PRSS56: variants seen among roughly 807,000 people sequenced by gnomAD.
PRSS56 encodes the protein serine protease 56.
In PRSS56, 55 loss-of-function variants were observed where a neutral mutation model predicts 66.8. The observed-to-expected ratio is 0.82, with a 90% CI of 0.66 to 1.03. The LOEUF (loss-of-function observed/expected upper bound fraction) is 1.03, where lower values mean the gene tolerates loss of function less well. Ranked by LOEUF, PRSS56 falls within the 50% of genes least tolerant of loss-of-function variation. The pLI is 0.00. For synonymous variants in PRSS56, 409 were observed against 387.9 expected (o/e 1.05, Z -0.64); for missense variants, 869 against 837.2 (o/e 1.04, Z -0.47).
chr2:232,522,995 G>T, intron 6 of PRSS56, 65 bp from the exon 7 acceptor site: 1 of 1,499,692 alleles, frequency 6.7e-7, no homozygotes, highest in Non-Finnish European at 8.9e-7. Flanking sequence ...GGGGGTGGTG[G>T]GAAGGGGACC....
Position 232,523,790 on chromosome 2 carries a change from C to G in PRSS56, c.1031C>G (p.Pro344Arg). The change falls in exon 9 of 13, where the codon CCC becomes CGC. Residue 344 changes from proline (P) to arginine (R), a missense_variant. Transcript: ENST00000617714. ...EQMSASSSRE[P>R]SCRELLAWDP... ...GCAGCAGCCTCCTCCAGCCGCGAGC[C>G]CAGCTGCAGGGAGCTTCTGGCCTGG... The G allele has an allele frequency of 6.5e-7, 1 of 1,534,010 alleles. No homozygotes were observed. Among genetic ancestry groups the G allele is most frequent in the Non-Finnish European group, 8.7e-7 (1 of 1,146,674 alleles).
chr2:232,520,583 C>T lies in PRSS56; in HGVS notation c.-16C>T, dbSNP rs1691255707. ...GGAGAGAGGACAGGGGTCTCTCACC[C>T]CAGCTCCTGGTCACCATGCTGCTGG... On this transcript the variant is annotated 5_prime_UTR_variant, in exon 1 of 13. Transcript: ENST00000617714. The T allele has an allele frequency of 6.5e-7, 1 of 1,534,678 alleles. No individual in the cohort carries two copies. The highest frequency in any genetic ancestry group is 2.0e-5 in the Admixed American group (1 of 50,978).
intron 6 of PRSS56, 24 bp downstream of exon 6, chr2:232,522,885 G>A (rs1315124166): frequency 2.8e-6 from 4 of 1,448,178 alleles, no homozygotes; most frequent in Non-Finnish European, 1.8e-6. Context: ...GTGAGCCGGC[G>A]CGTGGTGGGA....
chr2:232,522,361 G>A (rs1364265108), intron 4 of PRSS56, 154 bp from the exon 5 acceptor site: 2 of 817,062 alleles, frequency 2.4e-6, no homozygotes, highest in Non-Finnish European at 3.5e-6. Flanking sequence ...GGCCGGGCGA[G>A]TTCGCCCCCT....
rs1468520206 is a variant in PRSS56, at chr2:232,523,129, C to T, written c.776C>T (p.Ala259Val). 1 of 1,533,894 alleles carries T rather than the reference C, an allele frequency of 6.5e-7. No homozygotes were observed. The highest frequency in any genetic ancestry group is 1.7e-4 in the Middle Eastern group (1 of 5,984). ...PLLSTDTCRR[A>V]LGPGLRPSTM... ...CTCAGCACCGACACCTGCCGAAGAGCCCTGGGGCCCGGGCTGCGCCCCAGC... is the reference window on the plus strand; with the variant it reads ...CTCAGCACCGACACCTGCCGAAGAGTCCTGGGGCCCGGGCTGCGCCCCAGC... Residue 259 changes from alanine to valine, a missense_variant, in exon 7 of 13, where the codon GCC becomes GTC. By Grantham distance (64) the Ala-to-Val change is moderately conservative. Coordinates refer to ENST00000617714, the MANE Select transcript of PRSS56 (RefSeq NM_001195129.2).
At position 232,523,775 on chromosome 2, in the gene PRSS56, C is replaced by T. The variant is rs1691336626; in HGVS notation, c.1016C>T (p.Ser339Phe). ...ACCCCTGTCCCGCCCGCAGCAGCCTCCTCCAGCCGCGAGCCCAGCTGCAGG... is the reference window on the plus strand; with the variant it reads ...ACCCCTGTCCCGCCCGCAGCAGCCTTCTCCAGCCGCGAGCCCAGCTGCAGG... ...KDWLQEQMSASSSREPSCREL... is the reference protein window; with the variant it reads ...KDWLQEQMSAFSSREPSCREL... Residue 339 changes from serine to phenylalanine, a missense_variant, in exon 9 of 13, where the codon TCC becomes TTC. By Grantham distance (155) the Ser-to-Phe change is radical. Around this residue, in one of 3 missense-constraint regions of PRSS56, gnomAD observed 551 missense variants for 506.9 expected, o/e 1.09. Coordinates refer to ENST00000617714, the MANE Select transcript of PRSS56 (RefSeq NM_001195129.2). 6.5e-7 allele frequency: 1 copy of T among 1,534,050 alleles called. No homozygotes were observed. The highest frequency in any genetic ancestry group is 8.7e-7 in the Non-Finnish European group (1 of 1,146,726).
chr2:232,523,883 GGTCCCAGGGC>G lies in PRSS56; in HGVS notation c.1126_1135del (p.Ser376ProfsTer125). 6.5e-7 allele frequency: 1 copy of G among 1,527,054 alleles called. No homozygotes were observed. Among genetic ancestry groups the G allele is most frequent in the South Asian group, 1.2e-5 (1 of 83,580 alleles). 94.6% of individuals were successfully genotyped at this position (1,527,054 alleles called of 1,614,324 possible). The stretch of plus-strand genomic sequence containing the variant: ...GCCTTCTATGCCCGCCTGTGCCCGG[GGTCCCAGGGC>G]GCCTGTGCGCGCCTGGCGCACCAGC... On this transcript the variant is annotated frameshift_variant, in exon 9 of 13. Coordinates refer to ENST00000617714, the MANE Select transcript of PRSS56 (RefSeq NM_001195129.2). LOFTEE classifies it high-confidence loss of function.
intron 6 of PRSS56, 75 bp from the exon 7 acceptor site, chr2:232,522,985 G>C (rs891894229): frequency 6.7e-6 from 10 of 1,490,424 alleles, no homozygotes; most frequent in Non-Finnish European, 8.9e-6. Flanking sequence ...AGGAATCAAG[G>C]GGGGTGGTGG....
chr2:232,521,416 C>G lies in PRSS56; in HGVS notation c.193C>G (p.His65Asp), dbSNP rs757463594. The change falls in exon 2 of 13, where the codon CAC (histidine) becomes GAC (aspartate). Residue 65 changes from histidine (H) to aspartate (D), a missense_variant. Transcript: ENST00000617714. The stretch of plus-strand genomic sequence containing the variant: ...GGCGATGGAGATCCAGCACAGATCG[C>G]ACGAGTGCCGAGGTGCCCACCCTGC... ...RVAMEIQHRS[H>D]ECRGSGRPRP... The G allele has an allele frequency of 6.5e-7, 1 of 1,536,070 alleles. No individual in the cohort carries two copies. The highest frequency in any genetic ancestry group is 1.2e-5 in the South Asian group (1 of 84,068).
At chr2:232,522,234 G>A (rs1474107876) in intron 4 of PRSS56, 74 bp downstream of exon 4, 39 of 1,301,710 alleles carry the variant, frequency 3.0e-5, no homozygotes, top group Non-Finnish European at 3.6e-5. Flanking sequence ...GTTGTCCGGC[G>A]GGCGACGCGC....
intron 6 of PRSS56, 32 bp downstream of exon 6, chr2:232,522,893 G>C: frequency 1.4e-6 from 2 of 1,447,866 alleles, no homozygotes; most frequent in Non-Finnish European, 1.8e-6. Context: ...GCGCGTGGTG[G>C]GAAGAACTGG....
intron 7 of PRSS56, 50 bp downstream of exon 7, chr2:232,523,252 A>T: frequency 1.4e-6 from 2 of 1,423,992 alleles, no homozygotes; most frequent in East Asian, 5.2e-5. Flanking sequence ...TCCCAGGGCC[A>T]CTACGGCCTC....
Position 232,523,060 on chromosome 2 carries a change from A to T in PRSS56, c.707A>T (p.Asp236Val). The T allele has an allele frequency of 7.8e-6, 12 of 1,534,272 alleles. No homozygotes were observed. The highest frequency in any genetic ancestry group is 8.7e-6 in the Non-Finnish European group (10 of 1,145,976). ...AIAGWGALFE[D>V]GPEAEAVREA... is the part of the protein sequence containing the mutation. Reference sequence around the variant, plus strand: ...TGAGCCTTCCACCCCTTCCCTGCAGACGGGCCTGAGGCTGAAGCAGTGAGA... The same window carrying T: ...TGAGCCTTCCACCCCTTCCCTGCAGTCGGGCCTGAGGCTGAAGCAGTGAGA... The change falls in exon 7 of 13, where the codon GAC becomes GTC. Residue 236 changes from aspartate (D) to valine (V), a missense_variant and splice_region_variant. Coordinates refer to ENST00000617714, the MANE Select transcript of PRSS56 (RefSeq NM_001195129.2).
chr2:232,524,175 C>T lies in PRSS56; in HGVS notation c.1323C>T (p.His441=), dbSNP rs750156333. The T allele has an allele frequency of 5.9e-6, 9 of 1,528,618 alleles. No individual in the cohort carries two copies. In the South Asian group the frequency reaches 9.6e-5, roughly 16 times the overall value. 94.7% of individuals were successfully genotyped at this position (1,528,618 alleles called of 1,614,324 possible). Residue 441 remains histidine (H), a synonymous_variant, in exon 10 of 13, where the codon CAC becomes CAT. Transcript: ENST00000617714. ...PAPALRESPL[H]PARELRLHSG... ...CAGCGCTCAGGGAGTCTCCTCTGCA[C>T]CCCGCCCGGGAGCTGCGGCTTCACT...
chr2:232,523,917 G>C lies in PRSS56; in HGVS notation c.1158G>C (p.Gln386His). 6.6e-7 allele frequency: 1 copy of C among 1,511,132 alleles called. No individual in the cohort carries two copies. Among genetic ancestry groups the C allele is most frequent in the Non-Finnish European group, 8.8e-7 (1 of 1,135,094 alleles). The allele number at this position is 1,511,132 out of a possible 1,614,324, so 93.6% of individuals were successfully genotyped here. A position where few individuals can be genotyped will look rare whatever the true frequency, so the allele number is the denominator to read the frequency against. ...GCGCCTGTGCGCGCCTGGCGCACCAGCAGTGCCTGCAGCGCCGGCGGCGAT... is the reference window on the plus strand; with the variant it reads ...GCGCCTGTGCGCGCCTGGCGCACCACCAGTGCCTGCAGCGCCGGCGGCGAT... ...SQGACARLAH[Q>H]QCLQRRRRCE... Residue 386 changes from glutamine to histidine, a missense_variant, in exon 9 of 13, where the codon CAG becomes CAC. Transcript: ENST00000617714.
chr2:232,524,484 A>C, intron 11 of PRSS56, 115 bp downstream of exon 11: 1 of 1,019,336 alleles, frequency 9.8e-7, no homozygotes, highest in South Asian at 1.6e-5. Flanking sequence ...AACAGGGTGG[A>C]CTCGTTCTCC....
At chr2:232,521,498 C>T in intron 2 of PRSS56, 70 bp downstream of exon 2, 1 of 1,259,960 alleles carries the variant, frequency 7.9e-7, no homozygotes, top group Non-Finnish European at 1.1e-6. Context: ...TGCCTCTGTC[C>T]CTTCCCTTCA....
At position 232,523,652 on chromosome 2, in the gene PRSS56, G is replaced by A. The variant is rs1029381841; in HGVS notation, c.1012+74G>A. On this transcript the variant is annotated intron_variant, in intron 8 of 12. Coordinates refer to ENST00000617714, the MANE Select transcript of PRSS56 (RefSeq NM_001195129.2). ...CCGTGGGACAAGCCCGTTTCCACCC[G>A]GCCCATGCCCATTCCCAGCTCCCTT... 10 of 1,504,734 alleles carry A rather than the reference G, an allele frequency of 6.6e-6. No homozygotes were observed. The African/African-American group carries it at 9.7e-5, about 15-fold the overall frequency. The allele number at this position is 1,504,734 out of a possible 1,614,324, so 93.2% of individuals were successfully genotyped here.
At chr2:232,524,897 C>A in intron 12 of PRSS56, 53 bp downstream of exon 12, 2 of 1,396,600 alleles carry the variant, frequency 1.4e-6, no homozygotes, top group Non-Finnish European at 2.0e-6. Context: ...AGGCTGAGAC[C>A]CAGCCCAGGG....
Sources: allele counts gnomAD v4.1 joint callset, GRCh38; gene constraint gnomAD v4.1.1; regional missense constraint gnomAD v4.1.1; transcripts MANE v1.5; gene names NCBI Gene and HGNC (gene_info 2026-07-23, HGNC 2026-07-21).